Variants in HEATR6 observed in about 807,000 individuals in gnomAD.
HEATR6 encodes HEAT repeat-containing protein 6.
A neutral mutation model predicts 132.8 loss-of-function variants in HEATR6; 106 were observed. The ratio of observed to expected loss-of-function variants is 0.80; its 90% CI spans 0.68 to 0.94. HEATR6 has a LOEUF of 0.94. Ranked by LOEUF, HEATR6 falls within the 40% of genes least tolerant of loss-of-function variation. HEATR6 has a pLI of 0.00. For synonymous variants in HEATR6, 529 were observed against 537.8 expected (o/e 0.98, Z 0.23); for missense variants, 1,339 against 1,425.1 (o/e 0.94, Z 0.97).
In HEATR6 at chr17:60,049,691, C is replaced by T. The variant is rs775111159; in HGVS notation, c.2436G>A (p.Gln812=). The T allele has an allele frequency of 1.2e-6, 2 of 1,613,158 alleles. No homozygotes were observed. The highest frequency in any genetic ancestry group is 1.7e-5 in the Admixed American group (1 of 59,984). The stretch of plus-strand genomic sequence containing the variant: ...CGAGCAGCACTGTGATGCACAGCAT[C>T]TGCCTGTCATTCTGCAATGAGAAGG... ...EAFSNLPNDR[Q]MLCITVLLGL... Residue 812 remains glutamine (Q), a synonymous_variant, in exon 16 of 20, where the codon CAG becomes CAA. Transcript: ENST00000184956.
chr17:60,075,052 ATT>A (rs748100060), intron 2 of HEATR6, among the ~76,000 whole-genome samples: 2 of 152,210 alleles, frequency 1.3e-5, no homozygotes, highest in Admixed American at 6.5e-5. Context: ...TTAGAGAGGT[ATT>A]TATATGACCT....
rs1234718555 is a variant in HEATR6, at chr17:60,048,972, CATATATATATA to C, written c.2548-595_2548-585del. Among the ~76,000 whole-genome samples the C allele has an allele frequency of 6.3e-3, 374 of 59,486 alleles. 6 individuals are homozygous for C. Among genetic ancestry groups the C allele is most frequent in the African/African-American group, 0.058 (334 of 5,740 alleles). 39.0% of individuals were successfully genotyped at this position (59,486 alleles called of 152,430 possible). ...GTAATTAAAAATTAAAAATAAATAA[CATATATATATA>C]ATATATATATATATATATATATATA... On this transcript the variant is annotated intron_variant, in intron 16 of 19. Coordinates refer to ENST00000184956, the MANE Select transcript of HEATR6 (RefSeq NM_022070.5).
Position 60,059,558 on chromosome 17 carries a change from A to G in HEATR6, c.1624-37T>C, listed in dbSNP as rs1646150507. ...AAAAAGTAGCTCATCAAAAGGCTTG[A>G]TTAAACCACAGCATAGAACAAATTT... On this transcript the variant is annotated intron_variant, in intron 10 of 19. Coordinates refer to ENST00000184956, the MANE Select transcript of HEATR6 (RefSeq NM_022070.5). The G allele has an allele frequency of 2.9e-6, 4 of 1,391,938 alleles. 1 individual carries two copies. In the South Asian group the frequency reaches 4.8e-5, roughly 17 times the overall value. 86.2% of individuals were successfully genotyped at this position (1,391,938 alleles called of 1,614,324 possible).
intron 16 of HEATR6, among the ~76,000 whole-genome samples, chr17:60,048,788 C>A (rs750986222): frequency 6.6e-6 from 1 of 151,650 alleles, no homozygotes; most frequent in Non-Finnish European, 1.5e-5. Flanking sequence ...ATAAATGTCA[C>A]AAGTAAGAGT....
intron 15 of HEATR6, 116 bp from the exon 16 acceptor site, chr17:60,049,818 T>C (rs1163687209): frequency 6.3e-5 from 72 of 1,144,388 alleles, no homozygotes; most frequent in Non-Finnish European, 8.2e-5. Context: ...TTGAACACCA[T>C]TGCGACCTTG....
At chr17:60,051,164 C>T (rs909630080) in intron 14 of HEATR6, among the ~76,000 whole-genome samples, 187 bp from the exon 15 acceptor site, 2 of 152,202 alleles carry the variant, frequency 1.3e-5, no homozygotes. Flanking sequence ...CGTTCAACTC[C>T]TGTTGATTAG....
intron 14 of HEATR6, 45 bp from the exon 15 acceptor site, chr17:60,051,022 G>A (rs775430027): frequency 3.7e-6 from 6 of 1,604,864 alleles, no homozygotes; most frequent in Non-Finnish European, 5.1e-6. Context: ...GACATAACAG[G>A]GGAACCAACT....
chr17:60,073,998 G>A, intron 2 of HEATR6, 112 bp from the exon 3 acceptor site: 2 of 1,434,318 alleles, frequency 1.4e-6, no homozygotes, highest in East Asian at 5.2e-5. Flanking sequence ...GTGTGTGTCT[G>A]TCGTTTATGT....
chr17:60,066,088 G>T, intron 9 of HEATR6, 121 bp downstream of exon 9: 1 of 802,340 alleles, frequency 1.2e-6, no homozygotes. Context: ...TGGTCAAGTC[G>T]GAACTTGGGT....
intron 11 of HEATR6, 112 bp from the exon 12 acceptor site, chr17:60,057,515 A>G (rs1379745428): frequency 2.9e-6 from 2 of 679,322 alleles, no homozygotes; most frequent in South Asian, 1.9e-5. Flanking sequence ...CCTGAATCTA[A>G]TCAAACTTCT....
intron 16 of HEATR6, 36 bp from the exon 17 acceptor site, chr17:60,048,424 C>A: frequency 6.4e-7 from 1 of 1,570,808 alleles, no homozygotes. Flanking sequence ...GTTACTTTAG[C>A]AGGTCATGCT....
rs1354830466 is a variant in HEATR6 at position 60,049,719 on chromosome 17, G to C, written c.2425-17C>G. ...CCTGTCATTCTGCAATGAGAAGGTT[G>C]ACAAGGGAAAAATGAGAATGAAATA... On this transcript the variant is annotated splice_polypyrimidine_tract_variant and intron_variant, in intron 15 of 19. Coordinates refer to ENST00000184956, the MANE Select transcript of HEATR6 (RefSeq NM_022070.5). The C allele has an allele frequency of 6.2e-7, 1 of 1,610,480 alleles. No individual in the cohort carries two copies. The highest frequency in any genetic ancestry group is 8.5e-7 in the Non-Finnish European group (1 of 1,178,568).
chr17:60,053,865 T>C (rs894885119), intron 14 of HEATR6, among the ~76,000 whole-genome samples: 2 of 152,162 alleles, frequency 1.3e-5, no homozygotes, highest in African/African-American at 2.4e-5. Flanking sequence ...AGTTGGAACT[T>C]ATCATTACAA....
At chr17:60,046,469 C>T (rs1406541726) in intron 18 of HEATR6, among the ~76,000 whole-genome samples, 1 of 152,016 alleles carries the variant, frequency 6.6e-6, no homozygotes, top group Admixed American at 6.5e-5. Flanking sequence ...TCAGAGAGGT[C>T]CATCTTCCTT....
In HEATR6 at chr17:60,044,029, G is replaced by A. The variant is rs767625150; in HGVS notation, c.3080C>T (p.Pro1027Leu). The A allele has an allele frequency of 7.4e-6, 12 of 1,614,134 alleles. No individual in the cohort carries two copies. The highest frequency in any genetic ancestry group is 4.5e-5 in the East Asian group (2 of 44,884). ...AGACCCGTACTGCTCTCTCTTCCCCGGGACGGAAAGGGCAGCTGCAGATCT... is the reference window on the plus strand; with the variant it reads ...AGACCCGTACTGCTCTCTCTTCCCCAGGACGGAAAGGGCAGCTGCAGATCT... ...RIRSAAALSVPGKREQYGSVD... is the reference protein window; with the variant it reads ...RIRSAAALSVLGKREQYGSVD... Residue 1027 changes from proline to leucine, a missense_variant, in exon 20 of 20, where the codon CCG (proline) becomes CTG (leucine). Physicochemically the swap from Pro to Leu is moderately conservative, Grantham distance 98. Coordinates refer to ENST00000184956, the MANE Select transcript of HEATR6 (RefSeq NM_022070.5).
chr17:60,043,506 C>T lies in HEATR6; in HGVS notation c.*57G>A. On this transcript the variant is annotated 3_prime_UTR_variant, in exon 20 of 20. Transcript: ENST00000184956. ...AAGATGAAATCCCACAGATCTTATGCTCAAGCTCAGGTCTTCCTACTGCCG... is the reference window on the plus strand; with the variant it reads ...AAGATGAAATCCCACAGATCTTATGTTCAAGCTCAGGTCTTCCTACTGCCG... 3.0e-6 allele frequency: 4 copies of T among 1,352,316 alleles called. No individual in the cohort carries two copies. The East Asian group carries it at 9.2e-5, about 31-fold the overall frequency. The allele number at this position is 1,352,316 out of a possible 1,614,324, so 83.8% of individuals were successfully genotyped here.
chr17:60,045,091 TG>T lies in HEATR6; in HGVS notation c.2974+933del, dbSNP rs535260832. Reference sequence around the variant, plus strand: ...GAGGGCAAGGGCCATACAGGAAGGCTGGTAGGAGCCAACCACCACTGAGGTG... The same window carrying T: ...GAGGGCAAGGGCCATACAGGAAGGCTGTAGGAGCCAACCACCACTGAGGTG... On this transcript the variant is annotated intron_variant, in intron 19 of 19. Coordinates refer to ENST00000184956, the MANE Select transcript of HEATR6 (RefSeq NM_022070.5). 2.3e-4 allele frequency among the ~76,000 whole-genome samples: 35 copies of T among 152,324 alleles called. No homozygotes were observed. In the East Asian group the frequency reaches 6.4e-3, roughly 28 times the overall value.
intron 9 of HEATR6, chr17:60,063,925 G>A (rs2083225206): frequency 6.6e-6 from 1 of 152,170 alleles, no homozygotes; most frequent in African/African-American, 2.4e-5. Flanking sequence ...TTTTAACCTG[G>A]TCAATCCAGA....
intron 2 of HEATR6, among the ~76,000 whole-genome samples, chr17:60,074,678 C>T (rs752052754): frequency 9.9e-5 from 15 of 152,138 alleles, no homozygotes; most frequent in African/African-American, 3.6e-4. Flanking sequence ...TAAGGGTAAA[C>T]GCTAATTAGT....
Sources: allele counts gnomAD v4.1 joint callset (sites outside exome capture counted in the v4.1 genomes callset), GRCh38; gene constraint gnomAD v4.1.1; transcripts MANE v1.5; gene names NCBI Gene and HGNC (gene_info 2026-07-23, HGNC 2026-07-21).